SNTG1: variants seen among roughly 807,000 people sequenced by gnomAD.
SNTG1 encodes the protein syntrophin gamma 1, also known as gamma-1-syntrophin.
Under a neutral mutation model 74.7 loss-of-function variants are expected in SNTG1, and 39 were observed. That is an observed-to-expected ratio of 0.52 (90% CI 0.40 to 0.68). SNTG1 has a LOEUF of 0.68. Among genes scored for constraint, SNTG1 ranks in the 30% least tolerant of loss-of-function variants. The probability of loss-of-function intolerance (pLI) is 0.00; values close to 1 mark genes in which losing one functional copy is unlikely to be tolerated. For missense variants in SNTG1, 685 were observed against 609.5 expected (o/e 1.12, Z -1.30); for synonymous variants, 254 against 217.1 (o/e 1.17, Z -1.49).
In SNTG1 at chr8:50,382,926, T is replaced by C. The variant is rs558019744; in HGVS notation, c.-27-11286T>C. ...TTGGTGCTGCCTACTCGAAACAGAA[T>C]TTCTTTATCAGAGAAACCTCAATGT... is the stretch of plus-strand genomic sequence containing the variant. On this transcript the variant is annotated intron_variant, in intron 2 of 18. Transcript: ENST00000642720. 1.6e-4 allele frequency among the ~76,000 whole-genome samples: 25 copies of C among 152,310 alleles called. No individual in the cohort carries two copies. In the South Asian group the frequency reaches 5.2e-3, roughly 32 times the overall value.
At chr8:50,011,581 A>G (rs1050725869) in intron 1 of SNTG1, among the ~76,000 whole-genome samples, 2 of 152,002 alleles carry the variant, frequency 1.3e-5, no homozygotes, top group Non-Finnish European at 2.9e-5. Flanking sequence ...CCAAATTCTA[A>G]TAATTTTTAT....
chr8:50,511,369 G>A (rs1035337469), intron 9 of SNTG1, among the ~76,000 whole-genome samples: 22 of 152,328 alleles, frequency 1.4e-4, no homozygotes, highest in Middle Eastern at 3.4e-3. Context: ...GTGTGGTGTA[G>A]TGTTGAAAAG....
chr8:49,991,161 T>G (rs982565298), intron 1 of SNTG1, among the ~76,000 whole-genome samples: 3 of 152,266 alleles, frequency 2.0e-5, no homozygotes, highest in African/African-American at 7.2e-5. Flanking sequence ...ACAGGAGGTA[T>G]GCAAATCAAC....
At chr8:50,154,721 G>T (rs908566578) in intron 1 of SNTG1, among the ~76,000 whole-genome samples, 1 of 152,102 alleles carries the variant, frequency 6.6e-6, no homozygotes, top group African/African-American at 2.4e-5. Flanking sequence ...AAATCACCTG[G>T]CCTATACTGA....
chr8:50,724,144 T>A (rs1442198283), intron 17 of SNTG1, among the ~76,000 whole-genome samples: 4 of 152,168 alleles, frequency 2.6e-5, no homozygotes, highest in Non-Finnish European at 5.9e-5. Flanking sequence ...AACATTTGCT[T>A]TGTATTTTAA....
chr8:50,546,810 C>G (rs1457593517), intron 11 of SNTG1, among the ~76,000 whole-genome samples: 1 of 152,104 alleles, frequency 6.6e-6, no homozygotes, highest in Admixed American at 6.5e-5. Flanking sequence ...GGTTCCAAAT[C>G]TCACTCTGCC....
chr8:50,671,597 G>T (rs900325852), intron 15 of SNTG1, among the ~76,000 whole-genome samples: 1 of 152,134 alleles, frequency 6.6e-6, no homozygotes, highest in African/African-American at 2.4e-5. Context: ...CTGGTGATGG[G>T]ACTGTAAACT....
intron 2 of SNTG1, among the ~76,000 whole-genome samples, chr8:50,260,867 A>G (rs1027637093): frequency 6.6e-6 from 1 of 152,182 alleles, no homozygotes; most frequent in Non-Finnish European, 1.5e-5. Context: ...AGATCATGGA[A>G]CATGAAAGTT....
chr8:50,462,141 T>C (rs980565073), intron 8 of SNTG1, among the ~76,000 whole-genome samples: 2 of 151,660 alleles, frequency 1.3e-5, no homozygotes, highest in Non-Finnish European at 2.9e-5. Flanking sequence ...CTAAAACTAT[T>C]GAAGTCAAAA....
intron 2 of SNTG1, among the ~76,000 whole-genome samples, chr8:50,215,455 C>G (rs1450692051): frequency 6.8e-6 from 1 of 146,162 alleles, no homozygotes; most frequent in Non-Finnish European, 1.5e-5. Context: ...TATGTAGTCT[C>G]TCTATATAAT....
chr8:50,600,238 A>G (rs921510053), intron 13 of SNTG1, among the ~76,000 whole-genome samples: 1 of 152,056 alleles, frequency 6.6e-6, no homozygotes, highest in African/African-American at 2.4e-5. Context: ...AGTTTTCATC[A>G]GAAATATTGG....
At chr8:50,231,955 T>C (rs1415106151) in intron 2 of SNTG1, among the ~76,000 whole-genome samples, 1 of 151,366 alleles carries the variant, frequency 6.6e-6, no homozygotes, top group East Asian at 1.9e-4. Context: ...TATTGAACTG[T>C]CATGCCACTT....
At chr8:50,573,886 GT>G (rs776510118) in intron 12 of SNTG1, among the ~76,000 whole-genome samples, 93 of 151,650 alleles carry the variant, frequency 6.1e-4, no homozygotes, top group Non-Finnish European at 1.2e-3. Flanking sequence ...TAAATGTAAG[GT>G]TTCATTAATG....
intron 13 of SNTG1, among the ~76,000 whole-genome samples, chr8:50,627,445 A>G (rs976230091): frequency 6.6e-6 from 1 of 152,176 alleles, no homozygotes; most frequent in Non-Finnish European, 1.5e-5. Context: ...TCACAACAGC[A>G]TTTTGGAAGC....
intron 2 of SNTG1, among the ~76,000 whole-genome samples, chr8:50,327,475 A>T (rs560535157): frequency 3.7e-4 from 57 of 152,064 alleles, no homozygotes; most frequent in African/African-American, 1.3e-3. Context: ...AAGTCTTTCT[A>T]CCCCAGCTTT....
intron 1 of SNTG1, among the ~76,000 whole-genome samples, chr8:50,064,659 A>G (rs1820758661): frequency 6.6e-6 from 1 of 152,102 alleles, no homozygotes; most frequent in African/African-American, 2.4e-5. Flanking sequence ...TCTCCTGAAT[A>G]TGGGTTCCTG....
intron 2 of SNTG1, among the ~76,000 whole-genome samples, chr8:50,293,502 T>C (rs1387012209): frequency 6.6e-6 from 1 of 151,642 alleles, no homozygotes; most frequent in East Asian, 1.9e-4. Flanking sequence ...CTCTGCCTCC[T>C]GGGTTCAAGA....
At chr8:50,053,595 A>C (rs1819761083) in intron 1 of SNTG1, among the ~76,000 whole-genome samples, 1 of 150,572 alleles carries the variant, frequency 6.6e-6, no homozygotes, top group African/African-American at 2.4e-5. Flanking sequence ...TTTTGATTAT[A>C]AATATGCATA....
chr8:50,151,258 T>C (rs999823060), intron 1 of SNTG1, among the ~76,000 whole-genome samples: 1 of 152,210 alleles, frequency 6.6e-6, no homozygotes, highest in South Asian at 2.1e-4. Context: ...GGTGGTGATA[T>C]CCCCTTTATC....
Sources: gnomAD v4.1 joint callset for allele counts (sites outside exome capture counted in the v4.1 genomes callset) on GRCh38, gnomAD v4.1.1 for gene constraint, MANE v1.5 for transcripts, NCBI Gene and HGNC (gene_info 2026-07-23, HGNC 2026-07-21) for gene names.